Variants in FRAS1 observed in about 807,000 individuals in gnomAD.
The protein encoded by FRAS1 is extracellular matrix organizing protein FRAS1.
A neutral mutation model predicts 435.2 loss-of-function variants in FRAS1; 290 were observed. The ratio of observed to expected loss-of-function variants is 0.67; its 90% CI spans 0.61 to 0.73. The LOEUF is 0.73. FRAS1 is among the 30% of genes least tolerant of loss of function. The pLI is 0.00. For missense variants in FRAS1, 4,860 were observed against 5,001.5 expected (o/e 0.97, Z 0.85); for synonymous variants, 1,800 against 1,851.0 (o/e 0.97, Z 0.71).
intron 70 of FRAS1, among the ~76,000 whole-genome samples, chr4:78,531,940 A>G (rs1172288272): frequency 6.6e-6 from 1 of 152,324 alleles, no homozygotes; most frequent in East Asian, 1.9e-4. Flanking sequence ...TATATTAAAA[A>G]TCCAATTATT....
In FRAS1 at chr4:78,210,098, G is replaced by A. The variant is rs888231015; in HGVS notation, c.109-27412G>A. On this transcript the variant is annotated intron_variant, in intron 2 of 73. Transcript: ENST00000512123. Reference sequence around the variant, plus strand: ...GTGATGGTAGCACACAGCACACTGTGCTATTCCACTTCACACCCCAGGACC... The same window carrying A: ...GTGATGGTAGCACACAGCACACTGTACTATTCCACTTCACACCCCAGGACC... 8.5e-5 allele frequency among the ~76,000 whole-genome samples: 13 copies of A among 152,258 alleles called. No individual in the cohort carries two copies. The South Asian group carries it at 1.5e-3, about 17-fold the overall frequency.
chr4:78,091,623 TTGTGTGTGTGTG>T (rs10631175), intron 2 of FRAS1, among the ~76,000 whole-genome samples: 1 of 148,104 alleles, frequency 6.8e-6, no homozygotes, highest in Non-Finnish European at 1.5e-5. Context: ...ACACGTGTGT[TTGTGTGTGTGTG>T]TGTGTGTGTG....
At chr4:78,116,852 T>C (rs1329035911) in intron 2 of FRAS1, among the ~76,000 whole-genome samples, 4 of 152,242 alleles carry the variant, frequency 2.6e-5, no homozygotes, top group Admixed American at 2.0e-4. Context: ...TTTTGTTATG[T>C]GTGAATTTGA....
At position 78,508,856 on chromosome 4, in the gene FRAS1, T is replaced by C. The variant is rs761161131; in HGVS notation, c.9630T>C (p.Ala3210=). Residue 3210 remains alanine, a synonymous_variant, in exon 63 of 74, where the codon GCT becomes GCC. Coordinates refer to ENST00000512123, the MANE Select transcript of FRAS1 (RefSeq NM_025074.7). ...GCGACCCTCATTTCCCCAGATACGC[T>C]GTCATGAAGGAGCGCTGCAGTGAGG... ...TPCDPHFPRY[A]VMKERCSEAG... The C allele has an allele frequency of 1.4e-5, 23 of 1,613,762 alleles. No homozygotes were observed. Among genetic ancestry groups the C allele is most frequent in the East Asian group, 2.2e-5 (1 of 44,844 alleles).
At chr4:78,252,612 G>A (rs928428212) in intron 5 of FRAS1, 61 bp downstream of exon 5, 20 of 1,441,730 alleles carry the variant, frequency 1.4e-5, no homozygotes, top group East Asian at 7.1e-5. Flanking sequence ...GGCTATCGGG[G>A]GAACCAGCCC....
At chr4:78,340,296 T>C (rs113001159) in intron 20 of FRAS1, among the ~76,000 whole-genome samples, 4 of 152,320 alleles carry the variant, frequency 2.6e-5, no homozygotes, top group African/African-American at 9.6e-5. Flanking sequence ...TTAAATGAGG[T>C]AACCATTGTC....
chr4:78,149,183 G>A (rs867471164), intron 2 of FRAS1, among the ~76,000 whole-genome samples: 1 of 152,146 alleles, frequency 6.6e-6, no homozygotes, highest in Admixed American at 6.5e-5. Flanking sequence ...CCCACAGAGT[G>A]AAAGGCCCAC....
rs1011200009 is a variant in FRAS1, at chr4:78,337,891, G to A, written c.2422+74G>A. On this transcript the variant is annotated intron_variant, in intron 20 of 73. Transcript: ENST00000512123. The stretch of plus-strand genomic sequence containing the variant: ...GGGCTCTTCATACCAGGCTTAAGGG[G>A]GCTCTTTGTCCTCAGTTTATGAGCT... 5.5e-5 allele frequency: 82 copies of A among 1,489,084 alleles called. No individual in the cohort carries two copies. In the East Asian group the frequency reaches 1.7e-3, roughly 30 times the overall value. 92.2% of individuals were successfully genotyped at this position (1,489,084 alleles called of 1,614,324 possible).
rs938105357 is a variant in FRAS1, at chr4:78,489,525, G to GA, written c.8958+452dup. ...TCACTGTCTCAGGAGTAGAGAGACA[G>GA]AAAAAAATCCATGTCTAAGTGCACC... On this transcript the variant is annotated intron_variant, in intron 59 of 73. Transcript: ENST00000512123. Among the ~76,000 whole-genome samples, 110 of 152,274 alleles carry GA rather than the reference G, an allele frequency of 7.2e-4. 1 individual carries two copies. The highest frequency in any genetic ancestry group is 2.6e-3 in the African/African-American group (106 of 41,562).
At chr4:78,341,097 A>C (rs1398438026) in intron 20 of FRAS1, among the ~76,000 whole-genome samples, 1 of 151,614 alleles carries the variant, frequency 6.6e-6, no homozygotes, top group Non-Finnish European at 1.5e-5. Context: ...CAGGACCCTG[A>C]CCCACACTGG....
rs182649427 is a variant in FRAS1, at chr4:78,379,854, C to A, written c.3421C>A (p.His1141Asn). ...QEGRVEDLLF[H>N]VVSTPTNGQL... ...GGGTAGGGTCGAAGATCTCCTATTT[C>A]ATGTTGTGAGCACTCCCACCAATGG... is the stretch of plus-strand genomic sequence containing the variant. Residue 1141 changes from histidine to asparagine, a missense_variant, in exon 27 of 74, where the codon CAT (histidine) becomes AAT (asparagine). By Grantham distance (68) the His-to-Asn change is moderately conservative. Coordinates refer to ENST00000512123, the MANE Select transcript of FRAS1 (RefSeq NM_025074.7). The A allele has an allele frequency of 6.2e-7, 1 of 1,613,872 alleles. No individual in the cohort carries two copies. Among genetic ancestry groups the A allele is most frequent in the Admixed American group, 1.7e-5 (1 of 59,996 alleles).
chr4:78,242,427 T>C (rs1381352313), intron 3 of FRAS1, among the ~76,000 whole-genome samples: 1 of 152,196 alleles, frequency 6.6e-6, no homozygotes, highest in Non-Finnish European at 1.5e-5. Context: ...ATCACCACTG[T>C]TCCTAAATTA....
intron 43 of FRAS1, among the ~76,000 whole-genome samples, chr4:78,447,359 C>G (rs893553847): frequency 6.7e-6 from 1 of 149,500 alleles, no homozygotes; most frequent in Non-Finnish European, 1.5e-5. Context: ...CTTCTACCTA[C>G]TTCTTTTTTT....
chr4:78,117,653 T>G (rs1718713081), intron 2 of FRAS1, among the ~76,000 whole-genome samples: 1 of 152,208 alleles, frequency 6.6e-6, no homozygotes, highest in Admixed American at 6.5e-5. Flanking sequence ...CATCATGTAG[T>G]TCTCGTGCCA....
intron 16 of FRAS1, 35 bp downstream of exon 16, chr4:78,315,769 G>T: frequency 6.2e-7 from 1 of 1,611,748 alleles, no homozygotes; most frequent in Non-Finnish European, 8.5e-7. Context: ...TCATCAAAAA[G>T]TATTGAGTAC....
intron 2 of FRAS1, among the ~76,000 whole-genome samples, chr4:78,120,051 C>G (rs1373578432): frequency 6.6e-6 from 1 of 152,086 alleles, no homozygotes; most frequent in Non-Finnish European, 1.5e-5. Flanking sequence ...TTAATCAGAT[C>G]TATGGGGAGA....
In FRAS1 at chr4:78,479,472, T is replaced by A. The variant is rs371438754; in HGVS notation, c.8197T>A (p.Ser2733Thr). 4.2e-5 allele frequency: 68 copies of A among 1,610,386 alleles called. No homozygotes were observed. The highest frequency in any genetic ancestry group is 5.4e-5 in the Non-Finnish European group (64 of 1,177,504). Residue 2733 changes from serine (S) to threonine (T), a missense_variant, in exon 56 of 74, where the codon TCT (serine) becomes ACT (threonine). Coordinates refer to ENST00000512123, the MANE Select transcript of FRAS1 (RefSeq NM_025074.7). ...YALESGSDFK[S>T]RGMSAASRVI... Reference sequence around the variant, plus strand: ...TCTAGAATCAGGCTCTGATTTTAAATCTAGAGGGATGTCTGCCGCGAGTCG... The same window carrying A: ...TCTAGAATCAGGCTCTGATTTTAAAACTAGAGGGATGTCTGCCGCGAGTCG...
chr4:78,401,263 C>T (rs370979443), intron 30 of FRAS1, among the ~76,000 whole-genome samples: 2 of 148,210 alleles, frequency 1.3e-5, no homozygotes, highest in East Asian at 3.9e-4. Context: ...TAGACTTCTT[C>T]TTAATGAGAC....
chr4:78,415,208 G>A (rs1733503284), intron 32 of FRAS1, among the ~76,000 whole-genome samples: 1 of 151,994 alleles, frequency 6.6e-6, no homozygotes, highest in Admixed American at 6.6e-5. Context: ...TTCCATTCCT[G>A]AATTACTTCA....
Sources: gnomAD v4.1 joint callset for allele counts (sites outside exome capture counted in the v4.1 genomes callset) on GRCh38, gnomAD v4.1.1 for gene constraint, MANE v1.5 for transcripts, NCBI Gene and HGNC (gene_info 2026-07-23, HGNC 2026-07-21) for gene names.